Variants in FBXO4 observed in about 807,000 individuals in gnomAD.
FBXO4 encodes the protein F-box only protein 4.
A neutral mutation model predicts 43.7 loss-of-function variants in FBXO4; 36 were observed. The observed-to-expected ratio is 0.82, with a 90% confidence interval of 0.63 to 1.09. The LOEUF is 1.09. FBXO4 is among the 50% of genes least tolerant of loss of function. The probability of loss-of-function intolerance (pLI) is 0.00; values close to 1 mark genes in which losing one functional copy is unlikely to be tolerated. For missense variants in FBXO4, 435 were observed against 474.1 expected, an observed-to-expected ratio of 0.92 and a Z score of 0.77; for synonymous variants, 180 against 165.6, an observed-to-expected ratio of 1.09 and a Z score of -0.67.
the FBXO4 span, among the ~76,000 whole-genome samples, chr5:42,026,978 T>C: frequency 6.6e-6 from 1 of 151,992 alleles, no homozygotes; most frequent in East Asian, 1.9e-4. Flanking sequence ...TTTGCATCAA[T>C]ATTCCTCAGA....
chr5:42,021,477 T>A, the FBXO4 span, among the ~76,000 whole-genome samples: 1 of 152,124 alleles, frequency 6.6e-6, no homozygotes, highest in Admixed American at 6.6e-5. Flanking sequence ...TGGTATGGAA[T>A]CTACAATTCT....
rs1279242155 is a variant in FBXO4 at position 41,934,580 on chromosome 5, T to A, written c.898+272T>A. ...TGTGAATCAGATTTGGGCATCTGTT[T>A]TTTCCAAGCACCCAGGGAATTCTGA... On this transcript the variant is annotated intron_variant, in intron 5 of 6. Transcript: ENST00000281623. The A allele has an allele frequency of 3.7e-6, 5 of 1,333,972 alleles. No individual in the cohort carries two copies. In the African/African-American group the frequency reaches 5.9e-5, roughly 16 times the overall value. 82.6% of individuals were successfully genotyped at this position (1,333,972 alleles called of 1,614,324 possible).
chr5:41,955,438 C>T, the FBXO4 span, among the ~76,000 whole-genome samples: 24 of 152,054 alleles, frequency 1.6e-4, no homozygotes, highest in Non-Finnish European at 2.6e-4. Flanking sequence ...ATTTATGAAA[C>T]GATTTTCAAG....
At chr5:41,945,845 C>T (rs1278849163), downstream of FBXO4, among the ~76,000 whole-genome samples, 1 of 152,172 alleles carries the variant, frequency 6.6e-6, no homozygotes, top group Non-Finnish European at 1.5e-5. Flanking sequence ...TTGTAACCAG[C>T]TTTTGCTGCA....
At chr5:42,020,737 G>C in the FBXO4 span, among the ~76,000 whole-genome samples, 7 of 152,130 alleles carry the variant, frequency 4.6e-5, no homozygotes, top group Non-Finnish European at 8.8e-5. Flanking sequence ...ATGTCTCATG[G>C]GCCAGAACCG....
chr5:41,972,284 G>A, the FBXO4 span, among the ~76,000 whole-genome samples: 12 of 152,164 alleles, frequency 7.9e-5, no homozygotes, highest in African/African-American at 2.9e-4. Flanking sequence ...AAAATTAGTA[G>A]CGTTGCTATA....
At chr5:41,969,972 A>T in the FBXO4 span, among the ~76,000 whole-genome samples, 1 of 151,296 alleles carries the variant, frequency 6.6e-6, no homozygotes, top group Non-Finnish European at 1.5e-5. Flanking sequence ...TAAAGGCCAT[A>T]GTACTGTGGT....
At chr5:41,968,968 G>T in the FBXO4 span, among the ~76,000 whole-genome samples, 15 of 152,082 alleles carry the variant, frequency 9.9e-5, no homozygotes, top group South Asian at 8.3e-4. Flanking sequence ...TATTTTTAAA[G>T]CGTGTTATTT....
At chr5:41,939,680 A>T (rs1024916608) in intron 6 of FBXO4, 64 bp downstream of exon 6, 2 of 1,323,734 alleles carry the variant, frequency 1.5e-6, no homozygotes, top group African/African-American at 3.0e-5. Context: ...ATTTGATTTT[A>T]TTTTTTAAAT....
the FBXO4 span, among the ~76,000 whole-genome samples, chr5:41,999,482 T>C: frequency 7.2e-3 from 73 of 10,078 alleles, no homozygotes; most frequent in East Asian, 0.021. Flanking sequence ...TATATACACA[T>C]ATATATATAT....
the FBXO4 span, among the ~76,000 whole-genome samples, chr5:42,006,107 G>A: frequency 6.6e-6 from 1 of 152,044 alleles, no homozygotes; most frequent in Non-Finnish European, 1.5e-5. Flanking sequence ...AGATACAAAA[G>A]CTTAGCTTAG....
At chr5:42,035,949 G>T in the FBXO4 span, among the ~76,000 whole-genome samples, 1 of 152,060 alleles carries the variant, frequency 6.6e-6, no homozygotes, top group African/African-American at 2.4e-5. Context: ...GCCTTGATTT[G>T]TGGTAAGGTG....
chr5:42,029,571 ACT>A, the FBXO4 span, among the ~76,000 whole-genome samples: 1 of 151,480 alleles, frequency 6.6e-6, no homozygotes, highest in East Asian at 1.9e-4. Flanking sequence ...GGGGCCAATA[ACT>A]CAGATTTGCC....
the FBXO4 span, among the ~76,000 whole-genome samples, chr5:42,029,325 C>T: frequency 8.1e-4 from 123 of 152,120 alleles, 1 homozygote; most frequent in African/African-American, 2.9e-3. Flanking sequence ...TATTGCAGCT[C>T]CATTGTATAT....
the FBXO4 span, among the ~76,000 whole-genome samples, chr5:41,969,375 T>C: frequency 6.6e-6 from 1 of 152,212 alleles, no homozygotes; most frequent in Admixed American, 6.5e-5. Flanking sequence ...AGTCTATTCA[T>C]GCCGTTCTCC....
chr5:41,939,293 C>T (rs1028721561), intron 5 of FBXO4, 148 bp from the exon 6 acceptor site: 6 of 630,580 alleles, frequency 9.5e-6, no homozygotes, highest in Non-Finnish European at 1.3e-5. Context: ...ACTGTGGAGA[C>T]ATCTGAAGAG....
downstream of FBXO4, among the ~76,000 whole-genome samples, chr5:41,944,343 A>G (rs968947173): frequency 6.6e-6 from 1 of 152,210 alleles, no homozygotes. Flanking sequence ...TTTCTAAATC[A>G]TGACAGATGT....
chr5:42,007,735 A>G, the FBXO4 span, among the ~76,000 whole-genome samples: 1 of 152,176 alleles, frequency 6.6e-6, no homozygotes, highest in South Asian at 2.1e-4. Context: ...TTCAAGCATT[A>G]TTGCAAAACT....
chr5:42,013,483 C>G, the FBXO4 span, among the ~76,000 whole-genome samples: 3 of 152,168 alleles, frequency 2.0e-5, no homozygotes, highest in African/African-American at 7.2e-5. Flanking sequence ...CCAAACCACT[C>G]AGGAGAAAAC....
Sources: gnomAD v4.1 joint callset for allele counts (sites outside exome capture counted in the v4.1 genomes callset) on GRCh38, gnomAD v4.1.1 for gene constraint, MANE v1.5 for transcripts, NCBI Gene and HGNC (gene_info 2026-07-23, HGNC 2026-07-21) for gene names.